ZNG1B: variants seen among roughly 807,000 people sequenced by gnomAD.
ZNG1B encodes zinc-regulated GTPase metalloprotein activator 1B.
chr2:113,457,616 T>A, the ZNG1B span, among the ~76,000 whole-genome samples: 5 of 150,806 alleles, frequency 3.3e-5, no homozygotes, highest in Non-Finnish European at 7.4e-5. Context: ...GTTCCTTTGT[T>A]TCTCTCCCTA....
chr2:113,454,732 C>G, the ZNG1B span: 2 of 1,574,146 alleles, frequency 1.3e-6, no homozygotes, highest in Non-Finnish European at 1.7e-6. Context: ...AATGTTTTTT[C>G]CTTTGTAGGT....
chr2:113,450,099 TC>T, the ZNG1B span, among the ~76,000 whole-genome samples: 1 of 151,942 alleles, frequency 6.6e-6, no homozygotes, highest in Non-Finnish European at 1.5e-5. Context: ...CTGAGAGTTT[TC>T]TTCTTTATTT....
the ZNG1B span, among the ~76,000 whole-genome samples, chr2:113,458,368 TTGTA>T: frequency 2.8e-3 from 432 of 152,202 alleles, 3 homozygotes; most frequent in African/African-American, 9.9e-3. Context: ...TTTTAAATGT[TTGTA>T]TGGCTTTCCT....
At chr2:113,470,958 A>C in the ZNG1B span, 1 of 1,583,118 alleles carries the variant, frequency 6.3e-7, no homozygotes, top group Non-Finnish European at 8.5e-7. Context: ...TTTAAGAGTC[A>C]GAGTTTTTTT....
chr2:113,444,269 A>G, the ZNG1B span: 2 of 288,626 alleles, frequency 6.9e-6, no homozygotes, highest in East Asian at 2.1e-4. Context: ...TTTCAAGGAC[A>G]GTGTTCACTA....
At chr2:113,438,618 CG>C in the ZNG1B span, among the ~76,000 whole-genome samples, 1 of 151,516 alleles carries the variant, frequency 6.6e-6, no homozygotes, top group South Asian at 2.1e-4. Context: ...AAACTAAGAA[CG>C]TTTAGAGTGT....
At chr2:113,442,816 G>A in the ZNG1B span, among the ~76,000 whole-genome samples, 1 of 152,104 alleles carries the variant, frequency 6.6e-6, no homozygotes, top group Non-Finnish European at 1.5e-5. Context: ...TTTGCTTAGT[G>A]GGCTTTTAGA....
the ZNG1B span, among the ~76,000 whole-genome samples, chr2:113,446,940 A>G: frequency 6.6e-6 from 1 of 151,380 alleles, no homozygotes; most frequent in Non-Finnish European, 1.5e-5. Flanking sequence ...ATTCTTGACC[A>G]ACCCAGATCT....
At chr2:113,467,090 A>C in the ZNG1B span, among the ~76,000 whole-genome samples, 1 of 150,858 alleles carries the variant, frequency 6.6e-6, no homozygotes, top group South Asian at 2.1e-4. Flanking sequence ...AAACAAAAAA[A>C]CCGGAGATTT....
At chr2:113,438,950 G>C in the ZNG1B span, 1 of 1,529,008 alleles carries the variant, frequency 6.5e-7, no homozygotes, top group Non-Finnish European at 8.8e-7. Flanking sequence ...TTTGTAGACT[G>C]TAAGTTTATT....
At chr2:113,452,443 C>T in the ZNG1B span, among the ~76,000 whole-genome samples, 30,629 of 144,232 alleles carry the variant, frequency 0.21, 3,679 homozygotes, top group East Asian at 0.51. Context: ...AAATCAAATA[C>T]TTTCCTTGCT....
chr2:113,456,086 A>G, the ZNG1B span, among the ~76,000 whole-genome samples: 1 of 151,646 alleles, frequency 6.6e-6, no homozygotes, highest in African/African-American at 2.4e-5. Flanking sequence ...CTAAGGGGAT[A>G]TGTCAGGTTT....
At chr2:113,442,760 A>G in the ZNG1B span, among the ~76,000 whole-genome samples, 1 of 152,228 alleles carries the variant, frequency 6.6e-6, no homozygotes, top group Non-Finnish European at 1.5e-5. Context: ...TAGCTGAAAT[A>G]TAAAAAATAC....
the ZNG1B span, among the ~76,000 whole-genome samples, chr2:113,458,417 A>G: frequency 2.6e-5 from 4 of 151,978 alleles, no homozygotes; most frequent in Admixed American, 6.6e-5. Flanking sequence ...CTCTTCTGCT[A>G]TAATGGTATA....
At chr2:113,461,194 C>T in the ZNG1B span, among the ~76,000 whole-genome samples, 1 of 150,692 alleles carries the variant, frequency 6.6e-6, no homozygotes, top group Non-Finnish European at 1.5e-5. Context: ...TTACAGGCAC[C>T]CGCCACCATG....
chr2:113,441,989 C>T, the ZNG1B span, among the ~76,000 whole-genome samples: 7 of 152,128 alleles, frequency 4.6e-5, no homozygotes, highest in African/African-American at 1.7e-4. Flanking sequence ...CCACCTGCCT[C>T]GGCCTCCCAA....
At chr2:113,470,977 A>C in the ZNG1B span, 5 of 1,583,324 alleles carry the variant, frequency 3.2e-6, no homozygotes, top group Non-Finnish European at 4.3e-6. Context: ...TTTCTTGATT[A>C]ATTGGATGTA....
chr2:113,473,815 C>G, the ZNG1B span, among the ~76,000 whole-genome samples: 1 of 146,044 alleles, frequency 6.8e-6, no homozygotes, highest in East Asian at 2.1e-4. Flanking sequence ...ATTGAACCAG[C>G]CTTGCGTCCC....
At chr2:113,446,740 GTA>G in the ZNG1B span, among the ~76,000 whole-genome samples, 1 of 144,150 alleles carries the variant, frequency 6.9e-6, no homozygotes, top group Non-Finnish European at 1.5e-5. Context: ...GAGCAAGACT[GTA>G]TACACACACA....
Sources: gnomAD v4.1 joint callset for allele counts (sites outside exome capture counted in the v4.1 genomes callset) on GRCh38, gnomAD v4.1.1 for gene constraint, MANE v1.5 for transcripts, NCBI Gene and HGNC (gene_info 2026-07-23, HGNC 2026-07-21) for gene names.